Variants in EVPL observed in about 807,000 individuals in gnomAD.
The protein encoded by EVPL is 210 kDa cornified envelope precursor protein.
A neutral mutation model predicts 129.7 loss-of-function variants in EVPL; 94 were observed. That is an observed-to-expected ratio of 0.72 (90% CI 0.61 to 0.86). The LOEUF (loss-of-function observed/expected upper bound fraction) is 0.86. Ranked by LOEUF, EVPL falls within the 40% of genes least tolerant of loss-of-function variation. The pLI is 0.00. For missense variants in EVPL, 2,625 were observed against 2,721.1 expected, an observed-to-expected ratio of 0.96 and a Z score of 0.79; for synonymous variants, 1,172 against 1,191.1, an observed-to-expected ratio of 0.98 and a Z score of 0.33.
chr17:76,011,847 A>T lies in EVPL; in HGVS notation c.2493T>A (p.Ser831=). 3.1e-6 allele frequency: 5 copies of T among 1,613,264 alleles called. No individual in the cohort carries two copies. The highest frequency in any genetic ancestry group is 3.4e-6 in the Non-Finnish European group (4 of 1,179,744). The change falls in exon 20 of 22, where the codon TCT becomes TCA. Residue 831 remains serine (S), a synonymous_variant. Transcript: ENST00000301607. ...YELQADTYRC[S]LEPTLAVSAP... is the part of the protein sequence containing the mutation. ...CTGACACTGCCAGGGTGGGCTCCAA[A>T]GAGCAGCGGTAGGTGTCTGCCTGGA...
At chr17:76,016,656 G>A (rs1320030222) in intron 14 of EVPL, among the ~76,000 whole-genome samples, 6 of 152,130 alleles carry the variant, frequency 3.9e-5, no homozygotes, top group South Asian at 2.1e-4. Flanking sequence ...GCTCATGCCT[G>A]TAATCCTAGC....
At chr17:76,019,121 A>G (rs1598241293) in intron 10 of EVPL, 61 bp from the exon 11 acceptor site, 1 of 1,465,822 alleles carries the variant, frequency 6.8e-7, no homozygotes, top group Non-Finnish European at 9.0e-7. Context: ...TGGCCACACC[A>G]TACCTGTCCT....
In EVPL at chr17:76,009,379, G is replaced by A; in HGVS notation, c.3826C>T (p.Gln1276Ter). ...VLREIDRLKA[Q>*]LNELVNSHGR... Reference sequence around the variant, plus strand: ...TGGCTGTTGACGAGCTCGTTGAGCTGAGCCTTCAGGCGGTCGATCTCACGC... The same window carrying A: ...TGGCTGTTGACGAGCTCGTTGAGCTAAGCCTTCAGGCGGTCGATCTCACGC... The change falls in exon 22 of 22, where the codon CAG becomes TAG. Residue 1276 changes from glutamine (Q) to a stop codon, truncating the protein, a stop_gained. Transcript: ENST00000301607. LOFTEE classifies it low-confidence loss of function (END_TRUNC). This position sits in a 1 kb window ranked among gnomAD's most constrained non-coding sequence, Gnocchi z 5.9. 6.2e-7 allele frequency: 1 copy of A among 1,613,880 alleles called. No individual in the cohort carries two copies. Among genetic ancestry groups the A allele is most frequent in the Admixed American group, 1.7e-5 (1 of 60,014 alleles).
chr17:76,023,314 G>A lies in EVPL; in HGVS notation c.458C>T (p.Ala153Val). The change falls in exon 4 of 22, where the codon GCA becomes GTA. Residue 153 changes from alanine (A) to valine (V), a missense_variant. Coordinates refer to ENST00000301607, the MANE Select transcript of EVPL (RefSeq NM_001988.4). ...PPDVGPRVDW[A>V]RVLEQKQKQV... The stretch of plus-strand genomic sequence containing the variant: ...GACCTGTTTCTGCTCCAGCACGCGT[G>A]CCCAGTCGACCCTGGGTCCCACGTC... The A allele has an allele frequency of 1.2e-6, 2 of 1,613,944 alleles. No individual in the cohort carries two copies. Among genetic ancestry groups the A allele is most frequent in the Non-Finnish European group, 1.7e-6 (2 of 1,180,024 alleles).
chr17:76,015,653 C>G (rs2066414961), intron 14 of EVPL, 25 bp from the exon 15 acceptor site: 2 of 1,601,208 alleles, frequency 1.2e-6, no homozygotes, highest in South Asian at 2.2e-5. Flanking sequence ...GGTCAGGGAT[C>G]TCTGGGCAGG....
rs1188092155 is a variant in EVPL at position 76,007,051 on chromosome 17, G to A, written c.*52C>T. Reference sequence around the variant, plus strand: ...GGCTGCTCTGAGGCAAGAGGTGTACGTATCCTACCTGGCCCAACACACGCA... The same window carrying A: ...GGCTGCTCTGAGGCAAGAGGTGTACATATCCTACCTGGCCCAACACACGCA... On this transcript the variant is annotated 3_prime_UTR_variant, in exon 22 of 22. Coordinates refer to ENST00000301607, the MANE Select transcript of EVPL (RefSeq NM_001988.4). The surrounding 1 kb of genome is among the most constrained non-coding windows in gnomAD (Gnocchi z 8.8). 6.5e-6 allele frequency: 9 copies of A among 1,386,996 alleles called. No individual in the cohort carries two copies. The South Asian group carries it at 7.8e-5, about 12-fold the overall frequency. The allele number at this position is 1,386,996 out of a possible 1,614,324, so 85.9% of individuals were successfully genotyped here.
At chr17:76,021,596 G>GCCCCC (rs200115767) in intron 8 of EVPL, 33 bp from the exon 9 acceptor site, 32 of 1,379,522 alleles carry the variant, frequency 2.3e-5, no homozygotes, top group Middle Eastern at 2.5e-4. Context: ...CTCGGACCAC[G>GCCCCC]CCCCCCCCAC....
At chr17:76,016,005 G>A (rs1249496789) in intron 14 of EVPL, among the ~76,000 whole-genome samples, 1 of 152,102 alleles carries the variant, frequency 6.6e-6, no homozygotes, top group African/African-American at 2.4e-5. Context: ...TTAGCCGGCC[G>A]TAGCAGCGCG....
rs748835798 is a variant in EVPL, at chr17:76,007,901, G to A, written c.5304C>T (p.Asp1768=). The change falls in exon 22 of 22, where the codon GAC becomes GAT. Residue 1768 remains aspartate (D), a synonymous_variant. Coordinates refer to ENST00000301607, the MANE Select transcript of EVPL (RefSeq NM_001988.4). This position sits in a 1 kb window ranked among gnomAD's most constrained non-coding sequence, Gnocchi z 8.8. ...CAAACTCGGAGATGGGCAGGTGGCC[G>A]TCCTTGTACAGATGGTACTCCTCCT... is the stretch of plus-strand genomic sequence containing the variant. ...ISKEEYHLYK[D]GHLPISEFAL... The A allele has an allele frequency of 2.2e-5, 35 of 1,613,986 alleles. No homozygotes were observed. The highest frequency in any genetic ancestry group is 6.7e-5 in the Admixed American group (4 of 60,006).
At chr17:76,010,664 G>T in intron 21 of EVPL, 121 bp from the exon 22 acceptor site, 1 of 1,075,122 alleles carries the variant, frequency 9.3e-7, no homozygotes, top group Non-Finnish European at 1.3e-6. Context: ...CTCAGAGGTG[G>T]AGCTGAAGAC....
In EVPL at chr17:76,022,445, AG is replaced by A; in HGVS notation, c.573del (p.Tyr192MetfsTer24). ...ACGAGGCTCCGCAGCTGCTGCCCAT[AG>A]GCGTCGATCTCCTTCTGCAGGATGT... Reference protein sequence around the residue: ...EHNILQKEIDAYGQQLRSLVG... With the variant: ...EHNILQKEIDXYGQQLRSLVG... On this transcript the variant is annotated frameshift_variant, in exon 5 of 22. Coordinates refer to ENST00000301607, the MANE Select transcript of EVPL (RefSeq NM_001988.4). LOFTEE classifies it high-confidence loss of function. This position sits in a 1 kb window ranked among gnomAD's most constrained non-coding sequence, Gnocchi z 5.6. 6.2e-7 allele frequency: 1 copy of A among 1,613,804 alleles called. No homozygotes were observed. Among genetic ancestry groups the A allele is most frequent in the Non-Finnish European group, 8.5e-7 (1 of 1,179,956 alleles).
In EVPL at chr17:76,013,274, G is replaced by C. The variant is rs917982393; in HGVS notation, c.2373+1152C>G. Among the ~76,000 whole-genome samples, 2 of 152,112 alleles carry C rather than the reference G, an allele frequency of 1.3e-5. No homozygotes were observed. The highest frequency in any genetic ancestry group is 4.8e-5 in the African/African-American group (2 of 41,418). On this transcript the variant is annotated intron_variant, in intron 18 of 21. Transcript: ENST00000301607. The surrounding 1 kb of genome is among the most constrained non-coding windows in gnomAD (Gnocchi z 4.3). ...GATTCTAGTTTGCAGCCAGGGCTGA[G>C]AATCTCTGTCCCAGGCCCCCTTCCC...
rs186939151 is a variant in EVPL, at chr17:76,021,247, G to C, written c.1011+221C>G. On this transcript the variant is annotated intron_variant, in intron 9 of 21. Coordinates refer to ENST00000301607, the MANE Select transcript of EVPL (RefSeq NM_001988.4). ...ATTTTGGTATTTTTAGTAGAGACAG[G>C]GTTTCACCATGTTGGCCAGGCTGAT... 3.8e-3 allele frequency among the ~76,000 whole-genome samples: 584 copies of C among 152,162 alleles called. 1 individual carries two copies. The highest frequency in any genetic ancestry group is 0.01 in the Middle Eastern group (3 of 294).
rs371295003 is a variant in EVPL at position 76,010,127 on chromosome 17, G to A, written c.3078C>T (p.Pro1026=). The A allele has an allele frequency of 1.7e-4, 271 of 1,614,018 alleles. 1 individual carries two copies. Among genetic ancestry groups the A allele is most frequent in the Middle Eastern group, 1.6e-3 (10 of 6,062 alleles). ...GCTGGGCCGCCTGGCTGTCCAGGCCGGGGTCCCTCTCCACCTGGGTGACCT... is the reference window on the plus strand; with the variant it reads ...GCTGGGCCGCCTGGCTGTCCAGGCCAGGGTCCCTCTCCACCTGGGTGACCT... ...TKEVTQVERD[P]GLDSQAAQLR... is the part of the protein sequence containing the mutation. Residue 1026 remains proline, a synonymous_variant, in exon 22 of 22, where the codon CCC becomes CCT. Coordinates refer to ENST00000301607, the MANE Select transcript of EVPL (RefSeq NM_001988.4).
intron 1 of EVPL, among the ~76,000 whole-genome samples, chr17:76,025,828 G>T (rs921252357): frequency 2.0e-5 from 3 of 152,208 alleles, no homozygotes; most frequent in African/African-American, 7.2e-5. Context: ...CCAGTGAGTG[G>T]GAAGAACACC....
chr17:76,010,065 G>A lies in EVPL; in HGVS notation c.3140C>T (p.Ala1047Val). 1 of 1,613,160 alleles carries A rather than the reference G, an allele frequency of 6.2e-7. No homozygotes were observed. The highest frequency in any genetic ancestry group is 8.5e-7 in the Non-Finnish European group (1 of 1,180,024). ...CCCTTCCAGCCGGGCCGAGATGACG[G>A]CATCCTCCCCGCGGAGCTGCTGGAT... ...IQIQQLRGEDAVISARLEGLK... is the reference protein window; with the variant it reads ...IQIQQLRGEDVVISARLEGLK... Residue 1047 changes from alanine to valine, a missense_variant, in exon 22 of 22, where the codon GCC becomes GTC. Around this residue, in one of 4 missense-constraint regions of EVPL, gnomAD observed 1,453 missense variants for 1,511.8 expected, o/e 0.96. Transcript: ENST00000301607.
At chr17:76,025,851 C>T (rs1220714670) in intron 1 of EVPL, among the ~76,000 whole-genome samples, 1 of 152,200 alleles carries the variant, frequency 6.6e-6, no homozygotes, top group Non-Finnish European at 1.5e-5. Flanking sequence ...CCAATCCATC[C>T]ACAGATTGCT....
rs1328632733 is a variant in EVPL, at chr17:76,009,052, G to A, written c.4153C>T (p.Arg1385Cys). The change falls in exon 22 of 22, where the codon CGC becomes TGC. Residue 1385 changes from arginine to cysteine, a missense_variant. Physicochemically the swap from Arg to Cys is radical, Grantham distance 180. Around this residue, in one of 4 missense-constraint regions of EVPL, gnomAD observed 1,453 missense variants for 1,511.8 expected, o/e 0.96. Coordinates refer to ENST00000301607, the MANE Select transcript of EVPL (RefSeq NM_001988.4). This position sits in a 1 kb window ranked among gnomAD's most constrained non-coding sequence, Gnocchi z 5.9. ...VVVTQKDPKL[R>C]EEHSRLSGSL... ...CCGCTCAGCCGGCTGTGCTCCTCGC[G>A]CAGCTTCGGGTCCTTCTGGGTGACC... 2 of 1,613,406 alleles carry A rather than the reference G, an allele frequency of 1.2e-6. No individual in the cohort carries two copies. The highest frequency in any genetic ancestry group is 8.5e-7 in the Non-Finnish European group (1 of 1,179,820).
In EVPL at chr17:76,017,764, A is replaced by C; in HGVS notation, c.1685T>G (p.Leu562Trp). 1.2e-6 allele frequency: 2 copies of C among 1,612,726 alleles called. No individual in the cohort carries two copies. The highest frequency in any genetic ancestry group is 1.7e-6 in the Non-Finnish European group (2 of 1,179,908). The stretch of plus-strand genomic sequence containing the variant: ...CTCATGGCTGTGGATGCGGCCCTCC[A>C]AGTCCTCCAAGGGTGTGGGGCGGCT... ...PLSRPTPLEDLEGRIHSHEGT... is the reference protein window; with the variant it reads ...PLSRPTPLEDWEGRIHSHEGT... Residue 562 changes from leucine (L) to tryptophan (W), a missense_variant, in exon 14 of 22, where the codon TTG (leucine) becomes TGG (tryptophan). Transcript: ENST00000301607.
Sources: gnomAD v4.1 joint callset for allele counts (sites outside exome capture counted in the v4.1 genomes callset) on GRCh38, gnomAD v4.1.1 for gene constraint, gnomAD v4.1.1 regional missense constraint, Gnocchi (gnomAD v3.1) non-coding constraint, MANE v1.5 for transcripts, NCBI Gene and HGNC (gene_info 2026-07-23, HGNC 2026-07-21) for gene names.